Variants in N4BP2L2 observed in about 807,000 individuals in gnomAD.
N4BP2L2 encodes the protein NEDD4 binding protein 2 like 2.
N4BP2L2 carries 50 observed loss-of-function variants against 56.2 expected under a neutral mutation model. The ratio of observed to expected loss-of-function variants is 0.89; its 90% confidence interval spans 0.71 to 1.13. The LOEUF is 1.13. Ranked by LOEUF, N4BP2L2 falls within the 50% of genes most tolerant of loss-of-function variation. N4BP2L2 has a pLI of 0.00. For synonymous variants in N4BP2L2, 203 were observed against 223.6 expected (o/e 0.91, Z 0.82); for missense variants, 689 against 693.8 (o/e 0.99, Z 0.08).
downstream of N4BP2L2, chr13:32,506,737 A>G (rs1566143641): frequency 6.6e-6 from 1 of 152,198 alleles, no homozygotes; most frequent in South Asian, 2.1e-4. Context: ...ACCACATTCA[A>G]GGAATTGAGA....
intron 6 of N4BP2L2, among the ~76,000 whole-genome samples, chr13:32,456,653 G>A (rs1057352352): frequency 2.0e-5 from 3 of 152,110 alleles, no homozygotes; most frequent in Non-Finnish European, 4.4e-5. Context: ...TTCAAGATAT[G>A]AATGAGAAAT....
chr13:32,476,553 G>A (rs2083359810), intron 6 of N4BP2L2, among the ~76,000 whole-genome samples: 1 of 152,198 alleles, frequency 6.6e-6, no homozygotes, highest in Non-Finnish European at 1.5e-5. Context: ...GGCTGGTACT[G>A]CTGCCAGGCA....
At chr13:32,467,786 T>G (rs2081501513) in intron 6 of N4BP2L2, among the ~76,000 whole-genome samples, 1 of 151,180 alleles carries the variant, frequency 6.6e-6, no homozygotes, top group Non-Finnish European at 1.5e-5. Flanking sequence ...GGTCAGGAGT[T>G]TGAGACCAGC....
At chr13:32,457,176 C>CTAAA (rs1476098765) in intron 6 of N4BP2L2, among the ~76,000 whole-genome samples, 2 of 152,022 alleles carry the variant, frequency 1.3e-5, no homozygotes, top group South Asian at 2.1e-4. Flanking sequence ...CAATAACTAA[C>CTAAA]TAAATAAATA....
intron 2 of N4BP2L2, among the ~76,000 whole-genome samples, chr13:32,529,723 T>C (rs531470467): frequency 3.3e-5 from 5 of 150,744 alleles, no homozygotes; most frequent in Non-Finnish European, 5.9e-5. Context: ...GGTCATTTCT[T>C]TTCTTTTCTT....
chr13:32,521,484 A>C, intron 4 of N4BP2L2, 35 bp from the exon 5 acceptor site: 1 of 1,419,388 alleles, frequency 7.0e-7, no homozygotes, highest in Non-Finnish European at 9.8e-7. Flanking sequence ...AAAAACCCAG[A>C]GAAGTACTTC....
chr13:32,462,647 T>C (rs2080345774), intron 6 of N4BP2L2, among the ~76,000 whole-genome samples: 1 of 151,868 alleles, frequency 6.6e-6, no homozygotes, highest in Non-Finnish European at 1.5e-5. Flanking sequence ...AAATAAATAC[T>C]TAAGGTGATG....
intron 5 of N4BP2L2, among the ~76,000 whole-genome samples, chr13:32,519,516 C>T (rs1251214923): frequency 6.6e-6 from 1 of 152,088 alleles, no homozygotes; most frequent in Non-Finnish European, 1.5e-5. Flanking sequence ...AATAGCCAGG[C>T]GTAGTGGCAG....
chr13:32,498,737 T>A (rs2089337867), intron 6 of N4BP2L2, among the ~76,000 whole-genome samples: 1 of 151,150 alleles, frequency 6.6e-6, no homozygotes, highest in Non-Finnish European at 1.5e-5. Flanking sequence ...GCATGGTGGC[T>A]CACCCCTATA....
exon 6 of N4BP2L2, chr13:32,511,516 A>G (rs1489921098): frequency 2.0e-5 from 3 of 152,198 alleles, no homozygotes; most frequent in East Asian, 3.8e-4. Context: ...TTCCCCACCA[A>G]TGATTAACAT....
At chr13:32,461,654 T>G (rs2080095753) in intron 6 of N4BP2L2, among the ~76,000 whole-genome samples, 1 of 152,118 alleles carries the variant, frequency 6.6e-6, no homozygotes, top group Non-Finnish European at 1.5e-5. Flanking sequence ...CAGGCTGGAG[T>G]GGCAGTGGTG....
intron 6 of N4BP2L2, chr13:32,504,467 T>C (rs11844016): frequency 0.045 from 6,867 of 152,320 alleles, 189 homozygotes; most frequent in Non-Finnish European, 0.06. Flanking sequence ...CCATTCATAT[T>C]GGATTAGGGC....
chr13:32,483,855 C>T (rs1293264520), intron 6 of N4BP2L2, among the ~76,000 whole-genome samples: 2 of 151,730 alleles, frequency 1.3e-5, no homozygotes, highest in African/African-American at 2.4e-5. Flanking sequence ...TAGTGGTGCA[C>T]GCCTGTTAAT....
chr13:32,522,039 T>G (rs1048742411), intron 4 of N4BP2L2, 143 bp downstream of exon 4: 1 of 608,504 alleles, frequency 1.6e-6, no homozygotes, highest in South Asian at 2.0e-5. Context: ...CACAATTTTT[T>G]TAAAAACTAA....
chr13:32,476,178 G>T (rs1015726901), intron 6 of N4BP2L2, among the ~76,000 whole-genome samples: 1 of 152,216 alleles, frequency 6.6e-6, no homozygotes, highest in Admixed American at 6.5e-5. Context: ...AGAAGGGTCA[G>T]CTGACCTCAG....
intron 6 of N4BP2L2, among the ~76,000 whole-genome samples, chr13:32,474,521 C>T (rs930355163): frequency 6.9e-6 from 1 of 143,990 alleles, no homozygotes; most frequent in African/African-American, 2.5e-5. Flanking sequence ...GAAACCCTGT[C>T]TCTACTAAAA....
At chr13:32,436,280 A>G (rs1050062250) in intron 9 of N4BP2L2, 12 of 646,212 alleles carry the variant, frequency 1.9e-5, no homozygotes, top group African/African-American at 9.5e-5. Flanking sequence ...GCTATAATAC[A>G]TATGAGCTAT....
chr13:32,492,806 G>A (rs985010267), intron 6 of N4BP2L2, among the ~76,000 whole-genome samples: 79 of 150,864 alleles, frequency 5.2e-4, no homozygotes, highest in African/African-American at 1.8e-3. Context: ...GGTATCAAAA[G>A]TACAAATTAA....
intron 6 of N4BP2L2, among the ~76,000 whole-genome samples, chr13:32,479,886 C>T (rs151152695): frequency 9.1e-4 from 138 of 151,362 alleles, no homozygotes; most frequent in African/African-American, 2.9e-3. Context: ...CAGGGAGAGA[C>T]GGAGAGAGAG....
Sources: allele counts gnomAD v4.1 joint callset (sites outside exome capture counted in the v4.1 genomes callset), GRCh38; gene constraint gnomAD v4.1.1; transcripts MANE v1.5; gene names NCBI Gene and HGNC (gene_info 2026-07-23, HGNC 2026-07-21).